The following LINGO2 variants were observed in gnomAD, a reference collection of about 807,000 sequenced individuals.
The protein encoded by LINGO2 is leucine rich repeat and Ig domain containing 2.
In LINGO2, 14 loss-of-function variants were observed where a neutral mutation model predicts 30.6. That is an observed-to-expected ratio of 0.46 (90% CI 0.30 to 0.72). The LOEUF (loss-of-function observed/expected upper bound fraction) is 0.72, where lower values mean the gene tolerates loss of function less well. LINGO2 is among the 30% of genes least tolerant of loss of function. LINGO2 has a pLI of 0.07. For missense variants in LINGO2, 729 were observed against 751.7 expected (o/e 0.97, Z 0.35); for synonymous variants, 317 against 288.5 (o/e 1.10, Z -1.00).
intron 4 of LINGO2, among the ~76,000 whole-genome samples, chr9:28,017,608 C>T (rs968524323): frequency 4.6e-5 from 7 of 152,092 alleles, no homozygotes; most frequent in African/African-American, 1.4e-4. Flanking sequence ...AACACAGTCC[C>T]TTAAGCCACA....
chr9:28,008,382 T>C (rs1057285714), intron 5 of LINGO2, among the ~76,000 whole-genome samples: 1 of 152,134 alleles, frequency 6.6e-6, no homozygotes, highest in Non-Finnish European at 1.5e-5. Flanking sequence ...AAGGTACAGC[T>C]GTATCCTTCT....
intron 3 of LINGO2, among the ~76,000 whole-genome samples, chr9:28,319,636 T>A (rs1824967624): frequency 6.6e-6 from 1 of 152,182 alleles, no homozygotes; most frequent in Admixed American, 6.5e-5. Context: ...GTATGATTCC[T>A]GTTATATGAC....
At chr9:28,833,801 G>C in the LINGO2 span, among the ~76,000 whole-genome samples, 1 of 152,082 alleles carries the variant, frequency 6.6e-6, no homozygotes, top group Admixed American at 6.6e-5. Context: ...TTAAGACAAG[G>C]GTACTGATAA....
At chr9:28,269,216 C>T (rs1023194982) in intron 4 of LINGO2, among the ~76,000 whole-genome samples, 7 of 152,062 alleles carry the variant, frequency 4.6e-5, no homozygotes, top group African/African-American at 1.7e-4. Flanking sequence ...CTTATATACA[C>T]ATCTGCCTCT....
intron 3 of LINGO2, among the ~76,000 whole-genome samples, chr9:28,305,407 G>C (rs985920180): frequency 6.6e-6 from 1 of 151,902 alleles, no homozygotes; most frequent in African/African-American, 2.4e-5. Flanking sequence ...ATCCAAATTA[G>C]AAAGAAAAAT....
the LINGO2 span, among the ~76,000 whole-genome samples, chr9:29,035,765 A>C: frequency 6.6e-6 from 1 of 151,990 alleles, no homozygotes; most frequent in Non-Finnish European, 1.5e-5. Flanking sequence ...AGTTGTATTG[A>C]GCTATCGTAA....
At chr9:28,003,208 T>C (rs1261690353) in intron 5 of LINGO2, among the ~76,000 whole-genome samples, 1 of 152,148 alleles carries the variant, frequency 6.6e-6, no homozygotes, top group Non-Finnish European at 1.5e-5. Context: ...CTCCTTAAAA[T>C]TTCTGCTTTG....
intron 5 of LINGO2, among the ~76,000 whole-genome samples, chr9:27,953,740 A>T (rs1420911874): frequency 6.6e-6 from 1 of 151,960 alleles, no homozygotes; most frequent in Non-Finnish European, 1.5e-5. Context: ...GAGTCAATTA[A>T]ACCTCTTTTC....
At chr9:28,754,017 AACACAC>A in the LINGO2 span, among the ~76,000 whole-genome samples, 8,979 of 146,026 alleles carry the variant, frequency 0.061, 395 homozygotes, top group South Asian at 0.22. Flanking sequence ...CACACACACA[AACACAC>A]ACACACACAC....
chr9:28,482,929 G>T, intron 1 of LINGO2, among the ~76,000 whole-genome samples: 1 of 152,112 alleles, frequency 6.6e-6, no homozygotes, highest in South Asian at 2.1e-4. Flanking sequence ...CAGGACATAC[G>T]CATAGACACA....
the LINGO2 span, among the ~76,000 whole-genome samples, chr9:28,816,206 C>G: frequency 6.6e-6 from 1 of 152,200 alleles, no homozygotes; most frequent in African/African-American, 2.4e-5. Flanking sequence ...CACCTCTTAA[C>G]ACTGTGGCAT....
intron 4 of LINGO2, among the ~76,000 whole-genome samples, chr9:28,155,066 C>A (rs960125161): frequency 1.3e-4 from 20 of 152,144 alleles, no homozygotes; most frequent in Non-Finnish European, 2.9e-4. Context: ...GCAGACAAAT[C>A]TTTCTGAGAG....
At chr9:28,778,917 A>G in the LINGO2 span, among the ~76,000 whole-genome samples, 1 of 152,210 alleles carries the variant, frequency 6.6e-6, no homozygotes, top group African/African-American at 2.4e-5. Context: ...AACATTTTGC[A>G]TCTGGATTAT....
At chr9:28,926,006 G>A in the LINGO2 span, among the ~76,000 whole-genome samples, 1 of 152,044 alleles carries the variant, frequency 6.6e-6, no homozygotes. Flanking sequence ...TTTGATCTGG[G>A]TATTCTCTAA....
At chr9:28,047,064 A>AC (rs2133033107) in intron 4 of LINGO2, among the ~76,000 whole-genome samples, 1 of 152,226 alleles carries the variant, frequency 6.6e-6, no homozygotes, top group South Asian at 2.1e-4. Flanking sequence ...GGGAACCCAA[A>AC]CAATCCCCAT....
At chr9:28,912,444 C>T in the LINGO2 span, among the ~76,000 whole-genome samples, 1 of 152,078 alleles carries the variant, frequency 6.6e-6, no homozygotes, top group East Asian at 1.9e-4. Context: ...TATACTCTGG[C>T]AGGCAACTCT....
At chr9:29,047,189 G>C in the LINGO2 span, among the ~76,000 whole-genome samples, 1 of 151,770 alleles carries the variant, frequency 6.6e-6, no homozygotes, top group African/African-American at 2.4e-5. Context: ...ACATCTATAA[G>C]GTACTTAAAC....
intron 1 of LINGO2, among the ~76,000 whole-genome samples, chr9:28,631,661 G>A (rs944926308): frequency 6.6e-6 from 1 of 152,062 alleles, no homozygotes; most frequent in African/African-American, 2.4e-5. Flanking sequence ...TTTATTGCTT[G>A]AGGAGTCCTT....
At chr9:28,843,261 A>G in the LINGO2 span, among the ~76,000 whole-genome samples, 3 of 151,738 alleles carry the variant, frequency 2.0e-5, no homozygotes, top group Admixed American at 6.6e-5. Context: ...TTTGACCTAT[A>G]AAAATGACAA....
Sources: gnomAD v4.1 joint callset for allele counts (sites outside exome capture counted in the v4.1 genomes callset) on GRCh38, gnomAD v4.1.1 for gene constraint, MANE v1.5 for transcripts, NCBI Gene and HGNC (gene_info 2026-07-23, HGNC 2026-07-21) for gene names.